FHIT: variants seen among roughly 807,000 people sequenced by gnomAD.
FHIT encodes the protein bis(5'-adenosyl)-triphosphatase.
A neutral mutation model predicts 17.9 loss-of-function variants in FHIT; 19 were observed. That is an observed-to-expected ratio of 1.06 (90% CI 0.74 to 1.56). The LOEUF is 1.56. FHIT is among the 40% of genes most tolerant of loss of function. FHIT has a pLI of 0.00. For synonymous variants in FHIT, 81 were observed against 69.7 expected, an observed-to-expected ratio of 1.16 and a Z score of -0.81; for missense variants, 248 against 189.2, an observed-to-expected ratio of 1.31 and a Z score of -1.82.
chr3:60,327,891 G>C (rs1709775513), intron 5 of FHIT, among the ~76,000 whole-genome samples: 1 of 152,134 alleles, frequency 6.6e-6, no homozygotes, highest in African/African-American at 2.4e-5. Context: ...GAAACAAGAA[G>C]GGAGGTGGAG....
rs528074915 is a variant in FHIT at position 61,199,096 on chromosome 3, G to A, written c.-164+1521C>T. ...ACAGATCAGGAAACTGAGACTCTAA[G>A]AGGGTGAATAAGTTGTCCGCAGTCC... On this transcript the variant is annotated intron_variant, in intron 2 of 9. Coordinates refer to ENST00000492590, the MANE Select transcript of FHIT (RefSeq NM_002012.4). 1.1e-4 allele frequency among the ~76,000 whole-genome samples: 16 copies of A among 152,286 alleles called. No individual in the cohort carries two copies. The South Asian group carries it at 3.1e-3, about 30-fold the overall frequency.
intron 2 of FHIT, among the ~76,000 whole-genome samples, chr3:61,120,775 G>A (rs1305263379): frequency 6.6e-6 from 1 of 152,080 alleles, no homozygotes; most frequent in Non-Finnish European, 1.5e-5. Context: ...GGCTTCAGAA[G>A]GTGGGTAATG....
intron 5 of FHIT, among the ~76,000 whole-genome samples, chr3:60,073,682 CTAAG>C (rs990789473): frequency 2.6e-5 from 4 of 152,094 alleles, no homozygotes; most frequent in African/African-American, 4.8e-5. Flanking sequence ...AGTCACCCTA[CTAAG>C]TAAGTGTTTC....
chr3:60,761,761 T>C (rs1205839004), intron 4 of FHIT, among the ~76,000 whole-genome samples: 1 of 151,926 alleles, frequency 6.6e-6, no homozygotes, highest in African/African-American at 2.4e-5. Context: ...TAATAAATAA[T>C]TCAAACAAGT....
chr3:60,739,963 C>T (rs1428404384), intron 4 of FHIT, among the ~76,000 whole-genome samples: 1 of 152,132 alleles, frequency 6.6e-6, no homozygotes, highest in African/African-American at 2.4e-5. Context: ...TACAACTTCA[C>T]ATCAAAGAAA....
chr3:60,863,002 C>A (rs1575613939), intron 3 of FHIT, among the ~76,000 whole-genome samples: 2 of 152,166 alleles, frequency 1.3e-5, no homozygotes, highest in East Asian at 3.9e-4. Flanking sequence ...GGTATGCCTA[C>A]CCTAGTCACA....
At chr3:60,478,173 C>T (rs1301787882) in intron 5 of FHIT, among the ~76,000 whole-genome samples, 1 of 152,290 alleles carries the variant, frequency 6.6e-6, no homozygotes, top group South Asian at 2.1e-4. Flanking sequence ...TTCCAATAAT[C>T]AGCAGTAACC....
chr3:59,823,241 G>C (rs1470263733), intron 8 of FHIT, among the ~76,000 whole-genome samples: 1 of 152,086 alleles, frequency 6.6e-6, no homozygotes, highest in Non-Finnish European at 1.5e-5. Context: ...CTCCAGATTT[G>C]TTCTTTTTGC....
chr3:61,095,651 TA>T (rs956064079), intron 2 of FHIT, among the ~76,000 whole-genome samples: 44 of 150,224 alleles, frequency 2.9e-4, no homozygotes, highest in South Asian at 2.1e-3. Flanking sequence ...GCATCTGTTT[TA>T]AAAAAAAAAA....
At chr3:60,860,813 CAGG>C in intron 3 of FHIT, among the ~76,000 whole-genome samples, 1 of 15,318 alleles carries the variant, frequency 6.5e-5, no homozygotes, top group Non-Finnish European at 1.9e-4. Flanking sequence ...ACATATATAT[CAGG>C]TATATATGAT....
intron 2 of FHIT, among the ~76,000 whole-genome samples, chr3:61,103,269 G>C (rs1235871245): frequency 1.3e-5 from 2 of 152,140 alleles, no homozygotes; most frequent in Non-Finnish European, 2.9e-5. Context: ...GTTCTCATTG[G>C]TTTCAAAGAA....
At position 59,840,493 on chromosome 3, in the gene FHIT, T is replaced by C. The variant is rs144952594; in HGVS notation, c.348+81853A>G. Among the ~76,000 whole-genome samples, 59 of 152,228 alleles carry C rather than the reference T, an allele frequency of 3.9e-4. No homozygotes were observed. The East Asian group carries it at 8.1e-3, about 21-fold the overall frequency. ...ATGAATTCAAATTATCTTTAACCCA[T>C]TGTAAAGGCACAGCTGACACCAGTC... is the stretch of plus-strand genomic sequence containing the variant. On this transcript the variant is annotated intron_variant, in intron 8 of 9. Transcript: ENST00000492590.
At chr3:60,172,266 G>C (rs542281848) in intron 5 of FHIT, among the ~76,000 whole-genome samples, 1 of 152,016 alleles carries the variant, frequency 6.6e-6, no homozygotes, top group East Asian at 1.9e-4. Flanking sequence ...TTGTTTGTTT[G>C]TTTGTTTGTT....
intron 4 of FHIT, among the ~76,000 whole-genome samples, chr3:60,742,774 C>G (rs928330548): frequency 6.6e-5 from 10 of 152,160 alleles, no homozygotes; most frequent in Non-Finnish European, 1.2e-4. Context: ...TCAGAAGATG[C>G]CTAAATATGG....
chr3:60,624,888 G>A (rs1176507981), intron 4 of FHIT, among the ~76,000 whole-genome samples: 2 of 141,308 alleles, frequency 1.4e-5, no homozygotes, highest in Non-Finnish European at 3.1e-5. Context: ...TATTTGGCTT[G>A]TTTCTAGTTT....
At chr3:60,732,270 T>A (rs2042045732) in intron 4 of FHIT, 1 of 908,894 alleles carries the variant, frequency 1.1e-6, no homozygotes, top group African/African-American at 1.6e-5. Context: ...ATGCTTGCCA[T>A]CCAACCACTG....
chr3:60,667,710 G>A (rs577500606), intron 4 of FHIT, among the ~76,000 whole-genome samples: 1 of 147,844 alleles, frequency 6.8e-6, no homozygotes, highest in South Asian at 2.2e-4. Context: ...TGCCTATTAT[G>A]ATAGGAGAGA....
At chr3:60,709,720 T>C (rs1458564904) in intron 4 of FHIT, among the ~76,000 whole-genome samples, 2 of 152,208 alleles carry the variant, frequency 1.3e-5, no homozygotes, top group African/African-American at 4.8e-5. Context: ...GAAAAAGTCT[T>C]TAAGTATTGG....
chr3:60,791,020 CAAAGA>C (rs1700759213), intron 4 of FHIT, among the ~76,000 whole-genome samples: 2 of 152,108 alleles, frequency 1.3e-5, no homozygotes, highest in Admixed American at 6.5e-5. Flanking sequence ...ATAATGCACT[CAAAGA>C]CTCTTTTTAG....
Sources: allele counts gnomAD v4.1 joint callset (sites outside exome capture counted in the v4.1 genomes callset), GRCh38; gene constraint gnomAD v4.1.1; transcripts MANE v1.5; gene names NCBI Gene and HGNC (gene_info 2026-07-23, HGNC 2026-07-21).